CNTLN: variants seen among roughly 807,000 people sequenced by gnomAD.
CNTLN encodes centlein, centrosomal protein.
CNTLN carries 212 observed loss-of-function variants against 180.0 expected under a neutral mutation model. The ratio of observed to expected loss-of-function variants is 1.18; its 90% CI spans 1.05 to 1.32. The LOEUF is 1.32. Among genes scored for constraint, CNTLN ranks in the 40% most tolerant of loss-of-function variants. CNTLN has a pLI of 0.00. For missense variants in CNTLN, 2,095 were observed against 1,610.9 expected, an observed-to-expected ratio of 1.30 and a Z score of -5.14; for synonymous variants, 722 against 563.1, an observed-to-expected ratio of 1.28 and a Z score of -3.99.
chr9:17,347,235 T>C (rs974174469), intron 12 of CNTLN, among the ~76,000 whole-genome samples: 3 of 152,234 alleles, frequency 2.0e-5, no homozygotes, highest in African/African-American at 7.2e-5. Flanking sequence ...TATAATTTCA[T>C]CCTTTGATTA....
chr9:17,494,859 G>A (rs1833362029), intron 25 of CNTLN: 1 of 394,580 alleles, frequency 2.5e-6, no homozygotes, highest in Non-Finnish European at 4.8e-6. Context: ...ACTAGTTTAT[G>A]TATTTACTAT....
At chr9:17,148,185 T>A (rs1818588037) in intron 2 of CNTLN, among the ~76,000 whole-genome samples, 1 of 152,206 alleles carries the variant, frequency 6.6e-6, no homozygotes, top group Admixed American at 6.5e-5. Flanking sequence ...ATTCTCTCTC[T>A]CCTTCTACCA....
chr9:17,312,840 T>C (rs1463084864), intron 8 of CNTLN, among the ~76,000 whole-genome samples: 2 of 152,200 alleles, frequency 1.3e-5, no homozygotes, highest in African/African-American at 4.8e-5. Flanking sequence ...AGTTATGTCA[T>C]TGCACTTGAT....
intron 13 of CNTLN, among the ~76,000 whole-genome samples, chr9:17,372,263 G>C (rs12379104): frequency 6.6e-6 from 1 of 151,862 alleles, no homozygotes; most frequent in African/African-American, 2.4e-5. Flanking sequence ...ATGTGAAAAA[G>C]TAGACATTAC....
intron 5 of CNTLN, among the ~76,000 whole-genome samples, chr9:17,265,338 T>A: frequency 6.6e-6 from 1 of 152,222 alleles, no homozygotes; most frequent in East Asian, 1.9e-4. Flanking sequence ...TATGCTGGAT[T>A]ACACTTATTG....
At chr9:17,338,071 A>G (rs186050672) in intron 10 of CNTLN, among the ~76,000 whole-genome samples, 3 of 152,118 alleles carry the variant, frequency 2.0e-5, no homozygotes, top group Admixed American at 1.3e-4. Flanking sequence ...TTTTGAAATT[A>G]TGTTTTGACA....
At chr9:17,516,557 A>C in the CNTLN span, among the ~76,000 whole-genome samples, 1 of 152,146 alleles carries the variant, frequency 6.6e-6, no homozygotes, top group Non-Finnish European at 1.5e-5. Flanking sequence ...GACTTCACAC[A>C]CTACGGAAAA....
intron 1 of CNTLN, among the ~76,000 whole-genome samples, chr9:17,141,459 G>A (rs541644953): frequency 6.6e-6 from 1 of 152,150 alleles, no homozygotes; most frequent in East Asian, 1.9e-4. Flanking sequence ...ATTGGCCCTG[G>A]TTCAAGTAGA....
At chr9:17,356,871 C>G (rs1025990956) in intron 12 of CNTLN, among the ~76,000 whole-genome samples, 1 of 152,080 alleles carries the variant, frequency 6.6e-6, no homozygotes, top group African/African-American at 2.4e-5. Context: ...ATTCTTTCCA[C>G]TTTTTCCCCT....
chr9:17,274,280 AT>A (rs1828146715), intron 6 of CNTLN, among the ~76,000 whole-genome samples: 1 of 148,928 alleles, frequency 6.7e-6, no homozygotes, highest in South Asian at 2.1e-4. Context: ...AACATAATTG[AT>A]TTTGTAATAC....
At chr9:17,340,753 G>C in intron 10 of CNTLN, 74 bp from the exon 11 acceptor site, 1 of 1,264,782 alleles carries the variant, frequency 7.9e-7, no homozygotes, top group South Asian at 1.9e-5. Flanking sequence ...ATTTAGATGG[G>C]TAACCTTTTA....
intron 5 of CNTLN, among the ~76,000 whole-genome samples, chr9:17,261,075 T>G (rs1224687980): frequency 6.6e-6 from 1 of 151,570 alleles, no homozygotes; most frequent in African/African-American, 2.4e-5. Context: ...TTTTGGTTAC[T>G]GTAGCCCTGT....
intron 14 of CNTLN, among the ~76,000 whole-genome samples, chr9:17,391,305 GA>G (rs1318308646): frequency 6.6e-6 from 1 of 152,160 alleles, no homozygotes; most frequent in Non-Finnish European, 1.5e-5. Flanking sequence ...TGAGAAGGGA[GA>G]AAGTGACCTT....
intron 15 of CNTLN, among the ~76,000 whole-genome samples, chr9:17,395,478 G>C (rs1826448096): frequency 1.3e-5 from 2 of 152,146 alleles, no homozygotes; most frequent in South Asian, 4.2e-4. Flanking sequence ...AACCTGGGAG[G>C]AGAAACAATT....
At chr9:17,363,472 T>G (rs1823566154) in intron 12 of CNTLN, among the ~76,000 whole-genome samples, 2 of 152,108 alleles carry the variant, frequency 1.3e-5, no homozygotes, top group African/African-American at 4.8e-5. Context: ...TTTTTAAAAA[T>G]GACTTTCTTG....
chr9:17,489,631 A>G (rs1303957574), intron 25 of CNTLN, among the ~76,000 whole-genome samples: 1 of 152,100 alleles, frequency 6.6e-6, no homozygotes, highest in Non-Finnish European at 1.5e-5. Flanking sequence ...TCACCACAAA[A>G]TAAAAAGCTG....
At chr9:17,312,795 A>G (rs61565870) in intron 8 of CNTLN, among the ~76,000 whole-genome samples, 1 of 151,968 alleles carries the variant, frequency 6.6e-6, no homozygotes, top group African/African-American at 2.4e-5. Flanking sequence ...GTATTTTGCA[A>G]CTACTGGGCA....
chr9:17,272,454 A>C (rs1301632744), intron 5 of CNTLN, among the ~76,000 whole-genome samples: 1 of 151,930 alleles, frequency 6.6e-6, no homozygotes, highest in Non-Finnish European at 1.5e-5. Context: ...TCTTGATGGG[A>C]ATGTTTTACC....
At position 17,143,395 on chromosome 9, in the gene CNTLN, T is replaced by G; in HGVS notation, c.449+19T>G. ...TGGAAAGGTGAGCTCTCAAATTATT[T>G]TTTCATGAGTATTTGGTGTGTTGAG... On this transcript the variant is annotated intron_variant, in intron 2 of 25. Transcript: ENST00000380647. 2 of 1,572,320 alleles carry G rather than the reference T, an allele frequency of 1.3e-6. No homozygotes were observed. Among genetic ancestry groups the G allele is most frequent in the Non-Finnish European group, 1.7e-6 (2 of 1,143,114 alleles).
Sources: allele counts gnomAD v4.1 joint callset (sites outside exome capture counted in the v4.1 genomes callset), GRCh38; gene constraint gnomAD v4.1.1; transcripts MANE v1.5; gene names NCBI Gene and HGNC (gene_info 2026-07-23, HGNC 2026-07-21).